The following CNTN1 variants were observed in gnomAD, a reference collection of about 807,000 sequenced individuals.
CNTN1 encodes the protein contactin 1.
Under a neutral mutation model 126.4 loss-of-function variants are expected in CNTN1, and 38 were observed. The observed-to-expected ratio is 0.30, with a 90% CI of 0.23 to 0.39. CNTN1 has a LOEUF of 0.39. Ranked by LOEUF, CNTN1 falls within the 10% of genes least tolerant of loss-of-function variation. The pLI is 1.00. For missense variants in CNTN1, 1,009 were observed against 1,248.4 expected (o/e 0.81, Z 2.89); for synonymous variants, 413 against 422.6 (o/e 0.98, Z 0.28).
chr12:41,018,635 G>GTT (rs1390448624), intron 19 of CNTN1, among the ~76,000 whole-genome samples: 2 of 150,158 alleles, frequency 1.3e-5, no homozygotes, highest in Admixed American at 6.6e-5. Flanking sequence ...TATATTTAAA[G>GTT]TTATATATAT....
At chr12:41,036,635 A>AT (rs1949272939) in intron 23 of CNTN1, among the ~76,000 whole-genome samples, 1 of 152,198 alleles carries the variant, frequency 6.6e-6, no homozygotes, top group Admixed American at 6.5e-5. Context: ...ATAGTGATTA[A>AT]TATAACCTAA....
At position 41,029,052 on chromosome 12, in the gene CNTN1, T is replaced by C; in HGVS notation, c.2824-11T>C. On this transcript the variant is annotated splice_polypyrimidine_tract_variant and intron_variant, in intron 22 of 23. Coordinates refer to ENST00000551295, the MANE Select transcript of CNTN1 (RefSeq NM_001843.4). Reference sequence around the variant, plus strand: ...ACTTTACTGCATATTTACATTTCTGTACTTTATAAGGTACTCTACAGACCT... The same window carrying C: ...ACTTTACTGCATATTTACATTTCTGCACTTTATAAGGTACTCTACAGACCT... 2 of 1,613,652 alleles carry C rather than the reference T, an allele frequency of 1.2e-6. No homozygotes were observed. The highest frequency in any genetic ancestry group is 1.7e-6 in the Non-Finnish European group (2 of 1,179,586).
chr12:40,752,078 TAA>T (rs1483442750), intron 1 of CNTN1, among the ~76,000 whole-genome samples: 3 of 152,146 alleles, frequency 2.0e-5, no homozygotes, highest in African/African-American at 7.2e-5. Context: ...AACATTTTAT[TAA>T]GTTTTTTTAT....
chr12:40,926,326 G>T (rs1001666634), intron 6 of CNTN1, among the ~76,000 whole-genome samples: 1 of 151,928 alleles, frequency 6.6e-6, no homozygotes, highest in Admixed American at 6.6e-5. Flanking sequence ...GGAAGTAAAG[G>T]AGCTAACAAT....
chr12:41,068,881 T>C lies in CNTN1; in HGVS notation c.2981-1078T>C, dbSNP rs535731476. Reference sequence around the variant, plus strand: ...TGGCTTATGCCTGTAATCCCAGCACTTTGGGAGACTGAGGCAGGAGGATCA... The same window carrying C: ...TGGCTTATGCCTGTAATCCCAGCACCTTGGGAGACTGAGGCAGGAGGATCA... On this transcript the variant is annotated intron_variant, in intron 23 of 23. Coordinates refer to ENST00000551295, the MANE Select transcript of CNTN1 (RefSeq NM_001843.4). Among the ~76,000 whole-genome samples the C allele has an allele frequency of 4.6e-5, 7 of 152,284 alleles. No individual in the cohort carries two copies. In the East Asian group the frequency reaches 1.4e-3, roughly 29 times the overall value.
At position 40,981,017 on chromosome 12, in the gene CNTN1, C is replaced by A. The variant is rs2120374665; in HGVS notation, c.1913C>A (p.Thr638Asn). ...SDNHSPISKY[T>N]IQTKTILSDD... ...AATCATAGTCCTATTTCTAAATACACTATCCAGACCAAGACTATTCTTTCA... is the reference window on the plus strand; with the variant it reads ...AATCATAGTCCTATTTCTAAATACAATATCCAGACCAAGACTATTCTTTCA... Residue 638 changes from threonine (T) to asparagine (N), a missense_variant, in exon 16 of 24, where the codon ACT (threonine) becomes AAT (asparagine). Transcript: ENST00000551295. 1 of 1,613,516 alleles carries A rather than the reference C, an allele frequency of 6.2e-7. No individual in the cohort carries two copies. Among genetic ancestry groups the A allele is most frequent in the Non-Finnish European group, 8.5e-7 (1 of 1,179,660 alleles).
At chr12:40,804,311 A>G (rs2136489878) in intron 1 of CNTN1, among the ~76,000 whole-genome samples, 1 of 152,188 alleles carries the variant, frequency 6.6e-6, no homozygotes, top group Middle Eastern at 3.4e-3. Flanking sequence ...TTGACAAGAT[A>G]TGTGTACATA....
In CNTN1 at chr12:40,908,383, G is replaced by A; in HGVS notation, c.-50G>A. 1 of 1,408,994 alleles carries A rather than the reference G, an allele frequency of 7.1e-7. No homozygotes were observed. Among genetic ancestry groups the A allele is most frequent in the Non-Finnish European group, 1.0e-6 (1 of 995,546 alleles). 87.3% of individuals were successfully genotyped at this position (1,408,994 alleles called of 1,614,324 possible). On this transcript the variant is annotated 5_prime_UTR_variant, in exon 2 of 24. An upstream open reading frame in the 5' UTR loses its in-frame stop. Coordinates refer to ENST00000551295, the MANE Select transcript of CNTN1 (RefSeq NM_001843.4). Reference sequence around the variant, plus strand: ...TGTTTAAAATTATCCAACTGCCATAGAGCTAAATTCTTTTTTGGAAAATTG... The same window carrying A: ...TGTTTAAAATTATCCAACTGCCATAAAGCTAAATTCTTTTTTGGAAAATTG...
intron 1 of CNTN1, among the ~76,000 whole-genome samples, chr12:40,863,942 C>G (rs1169080235): frequency 7.1e-6 from 1 of 140,314 alleles, no homozygotes; most frequent in Admixed American, 7.1e-5. Context: ...CTCCCTCCCT[C>G]CCTCCCTCCC....
At position 40,936,855 on chromosome 12, in the gene CNTN1, G is replaced by T; in HGVS notation, c.1060G>T (p.Ala354Ser). The T allele has an allele frequency of 6.2e-7, 1 of 1,613,354 alleles. No homozygotes were observed. Among genetic ancestry groups the T allele is most frequent in the Non-Finnish European group, 8.5e-7 (1 of 1,179,486 alleles). ...CAGTGATCTCTACTGGCCTTGTGTG[G>T]CCACAGGAAAGCCCATCCCTACAAT... ...IGSDLYWPCV[A>S]TGKPIPTIRW... is the part of the protein sequence containing the mutation. The change falls in exon 10 of 24, where the codon GCC (alanine) becomes TCC (serine). Residue 354 changes from alanine to serine, a missense_variant. Coordinates refer to ENST00000551295, the MANE Select transcript of CNTN1 (RefSeq NM_001843.4).
intron 3 of CNTN1, 143 bp from the exon 4 acceptor site, chr12:40,918,496 T>C: frequency 1.4e-6 from 1 of 727,860 alleles, no homozygotes; most frequent in Non-Finnish European, 2.3e-6. Flanking sequence ...TTTGGCTCAG[T>C]ATTATGGAGG....
At chr12:40,844,716 C>T (rs1190519082) in intron 1 of CNTN1, among the ~76,000 whole-genome samples, 1 of 152,010 alleles carries the variant, frequency 6.6e-6, no homozygotes, top group Non-Finnish European at 1.5e-5. Context: ...TGTCTAAGGA[C>T]CTACTATTTA....
intron 11 of CNTN1, among the ~76,000 whole-genome samples, chr12:40,938,954 T>C (rs910452189): frequency 6.6e-6 from 1 of 152,022 alleles, no homozygotes; most frequent in African/African-American, 2.4e-5. Context: ...TTTTGTATTT[T>C]AGGTAGAGAT....
At chr12:40,952,351 G>A (rs1396070557) in intron 14 of CNTN1, among the ~76,000 whole-genome samples, 1 of 152,042 alleles carries the variant, frequency 6.6e-6, no homozygotes, top group African/African-American at 2.4e-5. Context: ...TTAGGGCTAT[G>A]AAATTATAAA....
At position 40,910,198 on chromosome 12, in the gene CNTN1, AG is replaced by A. The variant is rs1944977342; in HGVS notation, c.94+95del. The A allele has an allele frequency of 6.0e-6, 6 of 1,003,916 alleles. No homozygotes were observed. In the East Asian group the frequency reaches 1.5e-4, roughly 24 times the overall value. The allele number at this position is 1,003,916 out of a possible 1,614,324, so 62.2% of individuals were successfully genotyped here. On this transcript the variant is annotated intron_variant, in intron 3 of 23. Coordinates refer to ENST00000551295, the MANE Select transcript of CNTN1 (RefSeq NM_001843.4). Reference sequence around the variant, plus strand: ...TAAACTATTAACTCTCTAAACTTTAAGGCAAATGGTTAATGTTAGATCACTA... The same window carrying A: ...TAAACTATTAACTCTCTAAACTTTAAGCAAATGGTTAATGTTAGATCACTA...
chr12:40,957,692 G>A (rs1946941966), intron 14 of CNTN1, among the ~76,000 whole-genome samples: 1 of 151,806 alleles, frequency 6.6e-6, no homozygotes, highest in African/African-American at 2.4e-5. Context: ...CTTGGGAACT[G>A]TTTCAATTTT....
At chr12:41,021,200 G>T (rs1215101448) in intron 20 of CNTN1, among the ~76,000 whole-genome samples, 1 of 152,162 alleles carries the variant, frequency 6.6e-6, no homozygotes, top group Non-Finnish European at 1.5e-5. Context: ...TTGACAACTT[G>T]CCTGAGTTGT....
chr12:40,726,758 C>G (rs1199542373), intron 1 of CNTN1, among the ~76,000 whole-genome samples: 1 of 151,770 alleles, frequency 6.6e-6, no homozygotes, highest in Non-Finnish European at 1.5e-5. Flanking sequence ...TTAAAAAACT[C>G]TGTTGGAATA....
At chr12:40,971,628 T>TAGAG in intron 15 of CNTN1, 1 of 1,492,094 alleles carries the variant, frequency 6.7e-7, no homozygotes, top group Non-Finnish European at 8.8e-7. Flanking sequence ...ACCTAGTTCT[T>TAGAG]AGAGTATGTT....
Sources: allele counts gnomAD v4.1 joint callset (sites outside exome capture counted in the v4.1 genomes callset), GRCh38; gene constraint gnomAD v4.1.1; transcripts MANE v1.5; gene names NCBI Gene and HGNC (gene_info 2026-07-23, HGNC 2026-07-21).